The following NBEA variants were observed in gnomAD, a reference collection of about 807,000 sequenced individuals.
NBEA encodes the protein neurobeachin.
NBEA carries 44 observed loss-of-function variants against 343.4 expected under a neutral mutation model. The observed-to-expected ratio is 0.13, with a 90% confidence interval of 0.10 to 0.16. The LOEUF (loss-of-function observed/expected upper bound fraction) is 0.16. Ranked by LOEUF, NBEA falls within the 10% of genes least tolerant of loss-of-function variation. The probability of loss-of-function intolerance (pLI) is 1.00; values close to 1 mark genes in which losing one functional copy is unlikely to be tolerated. For missense variants in NBEA, 2,555 were observed against 3,631.3 expected (o/e 0.70, Z 7.62); for synonymous variants, 1,175 against 1,238.7 (o/e 0.95, Z 1.08).
At chr13:35,060,048 T>C (rs1178997297) in intron 8 of NBEA, among the ~76,000 whole-genome samples, 2 of 151,862 alleles carry the variant, frequency 1.3e-5, no homozygotes, top group African/African-American at 4.8e-5. Context: ...GGAATATTTT[T>C]GTAATTCACA....
intron 1 of NBEA, among the ~76,000 whole-genome samples, chr13:34,956,030 T>C (rs1240799405): frequency 6.6e-6 from 1 of 152,188 alleles, no homozygotes; most frequent in Non-Finnish European, 1.5e-5. Context: ...TTTATTTGAC[T>C]GTTGAAAGAT....
intron 55 of NBEA, among the ~76,000 whole-genome samples, chr13:35,662,197 C>G (rs1191310772): frequency 6.6e-6 from 1 of 152,152 alleles, no homozygotes; most frequent in African/African-American, 2.4e-5. Context: ...TTATTTTAAG[C>G]CTTTTAATAT....
intron 39 of NBEA, among the ~76,000 whole-genome samples, chr13:35,446,026 C>T (rs1164768319): frequency 6.7e-6 from 1 of 149,616 alleles, no homozygotes; most frequent in Non-Finnish European, 1.5e-5. Flanking sequence ...TCCAAGTGTT[C>T]TCATTGTTCA....
At chr13:35,461,665 A>G (rs1163694314) in intron 40 of NBEA, among the ~76,000 whole-genome samples, 3 of 152,210 alleles carry the variant, frequency 2.0e-5, no homozygotes, top group African/African-American at 7.2e-5. Flanking sequence ...GCTCTTCATT[A>G]TCTTGTCACT....
chr13:35,317,231 T>G (rs1029939283), intron 36 of NBEA, among the ~76,000 whole-genome samples: 1 of 152,238 alleles, frequency 6.6e-6, no homozygotes, highest in Non-Finnish European at 1.5e-5. Flanking sequence ...TTCTAGGGTT[T>G]TTATGGTTTT....
At chr13:35,591,380 A>C (rs2153042727) in intron 46 of NBEA, among the ~76,000 whole-genome samples, 1 of 152,232 alleles carries the variant, frequency 6.6e-6, no homozygotes, top group South Asian at 2.1e-4. Flanking sequence ...AGTGAATTAA[A>C]CATCTAAAAA....
intron 38 of NBEA, among the ~76,000 whole-genome samples, chr13:35,405,010 T>C (rs1043141355): frequency 2.4e-4 from 36 of 152,066 alleles, no homozygotes; most frequent in African/African-American, 8.7e-4. Flanking sequence ...AGAGAGATGA[T>C]ACTGGAAAGG....
chr13:35,450,348 A>G (rs1287880841), intron 39 of NBEA, among the ~76,000 whole-genome samples: 2 of 151,926 alleles, frequency 1.3e-5, no homozygotes, highest in African/African-American at 4.8e-5. Context: ...ATAGCCAGGC[A>G]TTGTGGTATA....
chr13:35,310,546 T>G (rs1402585825), intron 36 of NBEA, among the ~76,000 whole-genome samples: 1 of 152,212 alleles, frequency 6.6e-6, no homozygotes, highest in East Asian at 1.9e-4. Flanking sequence ...AAATTACATT[T>G]GAACCCATTA....
chr13:35,042,146 G>T (rs185828312), intron 2 of NBEA, among the ~76,000 whole-genome samples: 12 of 151,786 alleles, frequency 7.9e-5, no homozygotes, highest in Admixed American at 3.3e-4. Context: ...ATGCAGAATT[G>T]CAAAAAGCAT....
At chr13:35,180,360 C>T (rs10492723) in intron 28 of NBEA, among the ~76,000 whole-genome samples, 7,652 of 151,742 alleles carry the variant, frequency 0.05, 239 homozygotes, top group South Asian at 0.078. Flanking sequence ...ATAATTTAGA[C>T]TTGATACTTA....
At chr13:35,120,384 G>T (rs755761392) in intron 16 of NBEA, among the ~76,000 whole-genome samples, 1 of 152,040 alleles carries the variant, frequency 6.6e-6, no homozygotes, top group Non-Finnish European at 1.5e-5. Flanking sequence ...TTAAAAAACG[G>T]CCTTTCCTTG....
At chr13:35,462,150 A>G (rs1422984564) in intron 40 of NBEA, among the ~76,000 whole-genome samples, 2 of 152,238 alleles carry the variant, frequency 1.3e-5, no homozygotes, top group African/African-American at 4.8e-5. Context: ...CAAAACAAAT[A>G]TAAGTATCGG....
rs41292209 is a variant in NBEA, at chr13:35,668,376, C to G, written c.8670C>G (p.Leu2890=). The change falls in exon 58 of 59, where the codon CTC becomes CTG. Residue 2890 remains leucine (L), a synonymous_variant. Coordinates refer to ENST00000379939, the MANE Select transcript of NBEA (RefSeq NM_001385012.1). ...MEINDSTRAI[L]LSSDGQNLVT... is the part of the protein sequence containing the mutation. ...TTTTACCTTTTCTGAAGGCCATTCTCCTGAGCAGTGACGGCCAGAACCTGG... is the reference window on the plus strand; with the variant it reads ...TTTTACCTTTTCTGAAGGCCATTCTGCTGAGCAGTGACGGCCAGAACCTGG... 2 of 1,603,276 alleles carry G rather than the reference C, an allele frequency of 1.2e-6. No individual in the cohort carries two copies. The highest frequency in any genetic ancestry group is 1.7e-6 in the Non-Finnish European group (2 of 1,174,286).
At chr13:35,481,834 G>A (rs192017544) in intron 41 of NBEA, among the ~76,000 whole-genome samples, 33 of 151,764 alleles carry the variant, frequency 2.2e-4, no homozygotes, top group Non-Finnish European at 3.0e-4. Flanking sequence ...ATGAATTTAC[G>A]TACATTTGTG....
At chr13:35,662,741 T>C (rs571738558) in intron 55 of NBEA, among the ~76,000 whole-genome samples, 29 of 152,346 alleles carry the variant, frequency 1.9e-4, no homozygotes, top group Non-Finnish European at 1.9e-4. Flanking sequence ...GCAGAAAATG[T>C]ATAACATGCA....
At chr13:35,205,862 G>A (rs754408328) in intron 31 of NBEA, among the ~76,000 whole-genome samples, 26 of 151,898 alleles carry the variant, frequency 1.7e-4, no homozygotes, top group Non-Finnish European at 3.5e-4. Flanking sequence ...AATCTTTATA[G>A]CAATCTTAAG....
chr13:35,646,849 C>T (rs765231243), intron 51 of NBEA, among the ~76,000 whole-genome samples: 8 of 152,180 alleles, frequency 5.3e-5, no homozygotes, highest in Non-Finnish European at 1.0e-4. Context: ...ACAGGGCAAA[C>T]ACCATCTCTG....
chr13:35,476,296 C>CCTGCTGCTGCTGCTG (rs56240021), intron 41 of NBEA: 21,362 of 960,768 alleles, frequency 0.022, 149 homozygotes, highest in African/African-American at 0.029. Flanking sequence ...CGTTGGTTTC[C>CCTGCTGCTGCTGCTG]CTGCTGCTGC....
Sources: gnomAD v4.1 joint callset for allele counts (sites outside exome capture counted in the v4.1 genomes callset) on GRCh38, gnomAD v4.1.1 for gene constraint, MANE v1.5 for transcripts, NCBI Gene and HGNC (gene_info 2026-07-23, HGNC 2026-07-21) for gene names.